The following ZSWIM5 variants were observed in gnomAD, a reference collection of about 807,000 sequenced individuals.
ZSWIM5 encodes zinc finger SWIM-type containing 5, also known as zinc finger SWIM domain-containing protein 5.
Under a neutral mutation model 119.6 loss-of-function variants are expected in ZSWIM5, and 55 were observed. The observed-to-expected ratio is 0.46, with a 90% CI of 0.37 to 0.58. The LOEUF (loss-of-function observed/expected upper bound fraction) is 0.58, where lower values mean the gene tolerates loss of function less well. Ranked by LOEUF, ZSWIM5 falls within the 20% of genes least tolerant of loss-of-function variation. The probability of loss-of-function intolerance (pLI) is 0.00; values close to 1 mark genes in which losing one functional copy is unlikely to be tolerated. For synonymous variants in ZSWIM5, 537 were observed against 606.9 expected (o/e 0.88, Z 1.69); for missense variants, 1,193 against 1,512.8 (o/e 0.79, Z 3.51).
chr1:45,055,688 A>T (rs1270760847), intron 4 of ZSWIM5, among the ~76,000 whole-genome samples: 2 of 152,216 alleles, frequency 1.3e-5, no homozygotes, highest in East Asian at 3.8e-4. Flanking sequence ...TAGAGAACGT[A>T]AACAGGAAAG....
intron 1 of ZSWIM5, among the ~76,000 whole-genome samples, chr1:45,126,305 A>C (rs1198444385): frequency 6.6e-6 from 1 of 152,082 alleles, no homozygotes; most frequent in Non-Finnish European, 1.5e-5. Flanking sequence ...ACAAAGGAAA[A>C]AAGAGAAGAC....
At chr1:45,118,623 T>A (rs1275616528) in intron 1 of ZSWIM5, among the ~76,000 whole-genome samples, 1 of 151,484 alleles carries the variant, frequency 6.6e-6, no homozygotes, top group African/African-American at 2.4e-5. Context: ...ATGCCTGTAG[T>A]CCCAGCTACT....
chr1:45,081,500 AC>A (rs1477800458), intron 2 of ZSWIM5, among the ~76,000 whole-genome samples: 1 of 152,084 alleles, frequency 6.6e-6, no homozygotes, highest in Non-Finnish European at 1.5e-5. Flanking sequence ...TTTGGTGGAG[AC>A]GGGGTTTCGC....
At chr1:45,049,342 A>T (rs542185241) in intron 5 of ZSWIM5, among the ~76,000 whole-genome samples, 9 of 152,174 alleles carry the variant, frequency 5.9e-5, no homozygotes, top group Non-Finnish European at 1.3e-4. Flanking sequence ...TGTAGAAATG[A>T]CTATGAAGAA....
chr1:45,187,180 A>G (rs1180570735), intron 1 of ZSWIM5, among the ~76,000 whole-genome samples: 2 of 152,172 alleles, frequency 1.3e-5, no homozygotes, highest in Non-Finnish European at 2.9e-5. Context: ...AAGTTGGAGG[A>G]CTCACACTTT....
chr1:45,168,080 C>T (rs1645919029), intron 1 of ZSWIM5, among the ~76,000 whole-genome samples: 3 of 152,044 alleles, frequency 2.0e-5, no homozygotes, highest in Non-Finnish European at 1.5e-5. Flanking sequence ...AACCCAAATG[C>T]CCATCAATGA....
At chr1:45,026,783 A>C (rs149138151) in intron 11 of ZSWIM5, among the ~76,000 whole-genome samples, 1 of 152,316 alleles carries the variant, frequency 6.6e-6, no homozygotes, top group East Asian at 1.9e-4. Flanking sequence ...GAGACTTTAG[A>C]GAATCAGTAC....
chr1:45,195,725 A>ATC (rs1408239989), intron 1 of ZSWIM5, among the ~76,000 whole-genome samples: 3 of 152,140 alleles, frequency 2.0e-5, no homozygotes, highest in African/African-American at 7.2e-5. Flanking sequence ...CTTCACATCC[A>ATC]TTAATAAAGA....
At chr1:45,053,929 T>C (rs182673289) in intron 4 of ZSWIM5, among the ~76,000 whole-genome samples, 15 of 152,248 alleles carry the variant, frequency 9.9e-5, no homozygotes, top group Admixed American at 8.5e-4. Context: ...TAGTTGCCTG[T>C]ATAAAACATC....
At chr1:45,070,972 C>G (rs1645218168) in intron 2 of ZSWIM5, among the ~76,000 whole-genome samples, 1 of 152,018 alleles carries the variant, frequency 6.6e-6, no homozygotes, top group South Asian at 2.1e-4. Flanking sequence ...TTCAATCTTT[C>G]TTTTTTAATT....
Position 45,020,807 on chromosome 1 carries a change from GGGGCA to G in ZSWIM5, c.2450-24_2450-20del. ...GTGTCTCCTATAGGTGTCAAGAGAA[GGGGCA>G]GGGTCTATTTTAAAGTTTTACTAAA... On this transcript the variant is annotated intron_variant, in intron 11 of 13. Coordinates refer to ENST00000359600, the MANE Select transcript of ZSWIM5 (RefSeq NM_020883.2). The G allele has an allele frequency of 6.2e-7, 1 of 1,610,484 alleles. No individual in the cohort carries two copies. The highest frequency in any genetic ancestry group is 8.5e-7 in the Non-Finnish European group (1 of 1,178,576).
At chr1:45,031,443 C>T (rs968477716) in intron 11 of ZSWIM5, among the ~76,000 whole-genome samples, 1 of 151,738 alleles carries the variant, frequency 6.6e-6, no homozygotes, top group African/African-American at 2.4e-5. Context: ...CTTGGCCTCC[C>T]GAAGTGCTGG....
At chr1:45,069,766 GA>G (rs889775756) in intron 2 of ZSWIM5, among the ~76,000 whole-genome samples, 3 of 151,168 alleles carry the variant, frequency 2.0e-5, no homozygotes, top group Non-Finnish European at 3.0e-5. Flanking sequence ...AGGTCAGCAG[GA>G]AAAAAAAATA....
chr1:45,144,757 G>T (rs346718), intron 1 of ZSWIM5, among the ~76,000 whole-genome samples: 9,525 of 152,104 alleles, frequency 0.063, 345 homozygotes, highest in East Asian at 0.11. Flanking sequence ...CTGGGATTAG[G>T]CAAAGAGTTT....
At chr1:45,174,096 A>G (rs3009968) in intron 1 of ZSWIM5, among the ~76,000 whole-genome samples, 50,085 of 151,290 alleles carry the variant, frequency 0.33, 9,583 homozygotes, top group African/African-American at 0.53. Context: ...CCAACAAGGT[A>G]AAACCCCATT....
At position 45,088,031 on chromosome 1, in the gene ZSWIM5, T is replaced by C. The variant is rs1645342064; in HGVS notation, c.802A>G (p.Ile268Val). ...TTCATCTGGAAAAGGGTTTCGGAGA[T>C]AGGAAGACGCAATTTGACTTGGTCT... ...KPDQVKLRLP[I>V]SETLFQMNRD... Residue 268 changes from isoleucine (I) to valine (V), a missense_variant, in exon 2 of 14, where the codon ATC (isoleucine) becomes GTC (valine). By Grantham distance (29) the Ile-to-Val change is conservative. Around this residue, in one of 2 missense-constraint regions of ZSWIM5, gnomAD observed 961 missense variants for 1,290.0 expected, o/e 0.74. Coordinates refer to ENST00000359600, the MANE Select transcript of ZSWIM5 (RefSeq NM_020883.2). This position sits in a 1 kb window ranked among gnomAD's most constrained non-coding sequence, Gnocchi z 4.2. The C allele has an allele frequency of 1.9e-6, 3 of 1,614,196 alleles. No individual in the cohort carries two copies. The highest frequency in any genetic ancestry group is 2.2e-5 in the South Asian group (2 of 91,078).
At chr1:45,046,530 G>A (rs200313781) in intron 5 of ZSWIM5, among the ~76,000 whole-genome samples, 53 of 152,082 alleles carry the variant, frequency 3.5e-4, no homozygotes, top group Admixed American at 2.6e-4. Context: ...TGGGGCTTGA[G>A]GGGTAGGAAT....
intron 2 of ZSWIM5, among the ~76,000 whole-genome samples, chr1:45,082,239 T>C (rs527793361): frequency 2.0e-5 from 3 of 151,560 alleles, no homozygotes; most frequent in Admixed American, 2.0e-4. Context: ...CTTTGTTCAC[T>C]TGTTTATCTG....
chr1:45,026,335 G>A (rs771455196), intron 11 of ZSWIM5, among the ~76,000 whole-genome samples: 2 of 151,968 alleles, frequency 1.3e-5, no homozygotes, highest in East Asian at 1.9e-4. Context: ...ACACCCAGCC[G>A]GTAATTGTAG....
Sources: gnomAD v4.1 joint callset for allele counts (sites outside exome capture counted in the v4.1 genomes callset) on GRCh38, gnomAD v4.1.1 for gene constraint, gnomAD v4.1.1 regional missense constraint, Gnocchi (gnomAD v3.1) non-coding constraint, MANE v1.5 for transcripts, NCBI Gene and HGNC (gene_info 2026-07-23, HGNC 2026-07-21) for gene names.